The following IGSF10 variants were observed in gnomAD, a reference collection of about 807,000 sequenced individuals.
The protein encoded by IGSF10 is calvaria mechanical force protein 608.
In IGSF10, 126 loss-of-function variants were observed where a neutral mutation model predicts 128.2. The observed-to-expected ratio is 0.98, with a 90% CI of 0.85 to 1.14. IGSF10 has a LOEUF of 1.14. Ranked by LOEUF, IGSF10 falls within the 50% of genes most tolerant of loss-of-function variation. The pLI, the probability that IGSF10 is intolerant of heterozygous loss-of-function variation, is 0.00. For missense variants in IGSF10, 3,295 were observed against 3,149.8 expected (o/e 1.05, Z -1.10); for synonymous variants, 1,185 against 1,146.2 (o/e 1.03, Z -0.68).
chr3:151,465,564 G>T (rs988422465), upstream of IGSF10, among the ~76,000 whole-genome samples: 1 of 152,192 alleles, frequency 6.6e-6, no homozygotes, highest in African/African-American at 2.4e-5. Flanking sequence ...TTAATGAAAA[G>T]ACATTATTAT....
chr3:151,552,127 T>C, the IGSF10 span, among the ~76,000 whole-genome samples: 1 of 152,104 alleles, frequency 6.6e-6, no homozygotes, highest in Non-Finnish European at 1.5e-5. Context: ...AAGACCTTGT[T>C]GTTAAAAAGT....
At chr3:151,594,622 CTTTT>C in the IGSF10 span, among the ~76,000 whole-genome samples, 3 of 135,494 alleles carry the variant, frequency 2.2e-5, no homozygotes, top group Non-Finnish European at 4.8e-5. Flanking sequence ...GCGCCCGGCC[CTTTT>C]TTTTTTTTTT....
chr3:151,502,583 C>G, the IGSF10 span, among the ~76,000 whole-genome samples: 1 of 151,942 alleles, frequency 6.6e-6, no homozygotes, highest in Non-Finnish European at 1.5e-5. Context: ...TTACTTCGAT[C>G]TGTTTTTATA....
chr3:151,443,960 G>A lies in IGSF10; in HGVS notation c.5063-76C>T, dbSNP rs1577666971. The A allele has an allele frequency of 5.1e-6, 6 of 1,185,442 alleles. No homozygotes were observed. The East Asian group carries it at 1.2e-4, about 24-fold the overall frequency. The allele number at this position is 1,185,442 out of a possible 1,614,324, so 73.4% of individuals were successfully genotyped here. On this transcript the variant is annotated intron_variant, in intron 6 of 7. Coordinates refer to ENST00000282466, the MANE Select transcript of IGSF10 (RefSeq NM_178822.5). ...GAAAACATAAAGCTATCGTTTTTTGGGCTACTAAGAATACATTTAAATTAA... is the reference window on the plus strand; with the variant it reads ...GAAAACATAAAGCTATCGTTTTTTGAGCTACTAAGAATACATTTAAATTAA...
the IGSF10 span, among the ~76,000 whole-genome samples, chr3:151,598,140 T>C: frequency 1.3e-5 from 2 of 150,878 alleles, no homozygotes; most frequent in African/African-American, 4.9e-5. Context: ...AAATATTCAT[T>C]TTTTTGCTTC....
At chr3:151,618,227 C>T in the IGSF10 span, among the ~76,000 whole-genome samples, 6 of 152,198 alleles carry the variant, frequency 3.9e-5, no homozygotes, top group South Asian at 1.2e-3. Flanking sequence ...GGAAGAGAGT[C>T]GTCACCAGTA....
chr3:151,578,759 G>C, the IGSF10 span, among the ~76,000 whole-genome samples: 7 of 152,194 alleles, frequency 4.6e-5, no homozygotes, highest in African/African-American at 1.7e-4. Flanking sequence ...ATTGGAGCTA[G>C]GAGAAGAAAT....
At chr3:151,440,489 G>T (rs1322341034) in intron 7 of IGSF10, 5 of 451,282 alleles carry the variant, frequency 1.1e-5, no homozygotes, top group Non-Finnish European at 2.2e-5. Context: ...AAACTGCCAG[G>T]TGCTTTGCAC....
chr3:151,447,362 A>G lies in IGSF10; in HGVS notation c.2619T>C (p.Asn873=). 6.2e-7 allele frequency: 1 copy of G among 1,614,120 alleles called. No homozygotes were observed. The highest frequency in any genetic ancestry group is 8.5e-7 in the Non-Finnish European group (1 of 1,180,024). ...TTTGGCTTGACATGGTTGGGTTTAT[A>G]TTCTTTGACATGGCTGTAGTTTTAA... ...TAIKTTAMSK[N]INPTMSSQIQ... The change falls in exon 6 of 8, where the codon AAT becomes AAC. Residue 873 remains asparagine, a synonymous_variant. Coordinates refer to ENST00000282466, the MANE Select transcript of IGSF10 (RefSeq NM_178822.5).
the IGSF10 span, among the ~76,000 whole-genome samples, chr3:151,530,470 T>C: frequency 1.3e-5 from 2 of 152,030 alleles, no homozygotes; most frequent in African/African-American, 4.8e-5. Context: ...GAGAGAAATA[T>C]CGGGTTACCC....
In IGSF10 at chr3:151,437,535, T is replaced by C. The variant is rs1273560702; in HGVS notation, c.7026A>G (p.Pro2342=). 1 of 1,614,242 alleles carries C rather than the reference T, an allele frequency of 6.2e-7. No homozygotes were observed. The highest frequency in any genetic ancestry group is 1.7e-5 in the Admixed American group (1 of 60,032). ...GCTGGGCAACTATTTTTTCATTAAA[T>C]GGATTTCTAAATGTCGGTCTTCTCA... is the stretch of plus-strand genomic sequence containing the variant. ...EMLRRPTFRN[P]FNEKIVAQLG... is the part of the protein sequence containing the mutation. Residue 2342 remains proline (P), a synonymous_variant, in exon 8 of 8, where the codon CCA becomes CCG. Coordinates refer to ENST00000282466, the MANE Select transcript of IGSF10 (RefSeq NM_178822.5).
the IGSF10 span, among the ~76,000 whole-genome samples, chr3:151,474,957 A>G: frequency 1.3e-5 from 2 of 152,254 alleles, no homozygotes; most frequent in South Asian, 2.1e-4. Context: ...CCCTCCCACA[A>G]TATGTGGGAT....
At chr3:151,528,210 C>G in the IGSF10 span, among the ~76,000 whole-genome samples, 2 of 152,144 alleles carry the variant, frequency 1.3e-5, no homozygotes, top group Non-Finnish European at 2.9e-5. Flanking sequence ...ACATAATAGA[C>G]TCTCAGAAAT....
chr3:151,452,311 G>T (rs752632738), intron 5 of IGSF10, among the ~76,000 whole-genome samples: 6 of 152,154 alleles, frequency 3.9e-5, no homozygotes, highest in Non-Finnish European at 5.9e-5. Flanking sequence ...AGATAGTATA[G>T]CCTACTACAC....
the IGSF10 span, among the ~76,000 whole-genome samples, chr3:151,471,070 G>T: frequency 6.6e-6 from 1 of 152,084 alleles, no homozygotes; most frequent in Non-Finnish European, 1.5e-5. Flanking sequence ...TCCCTGTGGG[G>T]ATTATTGAAT....
the IGSF10 span, among the ~76,000 whole-genome samples, chr3:151,532,148 C>G: frequency 6.6e-6 from 1 of 152,092 alleles, no homozygotes; most frequent in Non-Finnish European, 1.5e-5. Flanking sequence ...AATCCTGGAA[C>G]AGACCAATAA....
At chr3:151,491,870 T>C in the IGSF10 span, among the ~76,000 whole-genome samples, 3 of 152,212 alleles carry the variant, frequency 2.0e-5, no homozygotes, top group South Asian at 6.2e-4. Context: ...ATATTTCTGA[T>C]AAAAATTGAT....
rs766534263 is a variant in IGSF10, at chr3:151,447,207, C to G, written c.2774G>C (p.Arg925Thr). ...GACATTGACATCTTTGATCATAGTC[C>G]TTACTGTTATTGGGGGTCTACTTTG... ...HFQSRPPITV[R>T]TMIKDVNVKM... Residue 925 changes from arginine (R) to threonine (T), a missense_variant, in exon 6 of 8, where the codon AGG becomes ACG. Coordinates refer to ENST00000282466, the MANE Select transcript of IGSF10 (RefSeq NM_178822.5). 3 of 1,614,182 alleles carry G rather than the reference C, an allele frequency of 1.9e-6. No individual in the cohort carries two copies. Among genetic ancestry groups the G allele is most frequent in the Non-Finnish European group, 2.5e-6 (3 of 1,180,042 alleles).
the IGSF10 span, among the ~76,000 whole-genome samples, chr3:151,566,535 G>A: frequency 0.04 from 6,126 of 152,210 alleles, 359 homozygotes; most frequent in African/African-American, 0.13. Context: ...TAGAATAGTC[G>A]CTATCAGGAG....
Sources: gnomAD v4.1 joint callset for allele counts (sites outside exome capture counted in the v4.1 genomes callset) on GRCh38, gnomAD v4.1.1 for gene constraint, MANE v1.5 for transcripts, NCBI Gene and HGNC (gene_info 2026-07-23, HGNC 2026-07-21) for gene names.